Variants in PRR12 observed in about 807,000 individuals in gnomAD.
PRR12 encodes proline rich 12, also known as proline-rich protein 12.
Under a neutral mutation model 138.0 loss-of-function variants are expected in PRR12, and 12 were observed. The ratio of observed to expected loss-of-function variants is 0.09; its 90% CI spans 0.06 to 0.14. The LOEUF (loss-of-function observed/expected upper bound fraction) is 0.14, where lower values mean the gene tolerates loss of function less well. Among genes scored for constraint, PRR12 ranks in the 10% least tolerant of loss-of-function variants. PRR12 has a pLI of 1.00. For missense variants in PRR12, 2,692 were observed against 2,861.3 expected, an observed-to-expected ratio of 0.94 and a Z score of 1.35; for synonymous variants, 1,567 against 1,291.7, an observed-to-expected ratio of 1.21 and a Z score of -4.57.
chr19:49,611,332 AAAAC>A (rs917027007), intron 6 of PRR12, among the ~76,000 whole-genome samples: 16 of 151,884 alleles, frequency 1.1e-4, no homozygotes, highest in Admixed American at 3.9e-4. Context: ...GGGTCTCACA[AAAAC>A]AAAGAACAAA....
chr19:49,608,056 ATAT>A (rs746527566), intron 6 of PRR12, among the ~76,000 whole-genome samples: 5 of 152,184 alleles, frequency 3.3e-5, no homozygotes, highest in Non-Finnish European at 5.9e-5. Context: ...TGATGTTTTA[ATAT>A]TATTAAATGG....
Position 49,615,776 on chromosome 19 carries a change from C to T in PRR12, c.5054C>T (p.Ser1685Phe), listed in dbSNP as rs1276138179. 2 of 1,612,974 alleles carry T rather than the reference C, an allele frequency of 1.2e-6. No individual in the cohort carries two copies. Among genetic ancestry groups the T allele is most frequent in the Admixed American group, 1.7e-5 (1 of 59,854 alleles). ...TCTGGGCAGGCCAAGAACCCCGTAT[C>T]TGCTGGGGGTAGCTCTGCACCTCCC... ...RRSGQAKNPV[S>F]AGGSSAPPPK... Residue 1685 changes from serine (S) to phenylalanine (F), a missense_variant, in exon 9 of 14, where the codon TCT becomes TTT. Coordinates refer to ENST00000418929, the MANE Select transcript of PRR12 (RefSeq NM_020719.3).
Position 49,599,711 on chromosome 19 carries a change from A to G in PRR12, c.4118A>G (p.Asn1373Ser). The change falls in exon 5 of 14, where the codon AAC becomes AGC. Residue 1373 changes from asparagine to serine, a missense_variant. By Grantham distance (46) the Asn-to-Ser change is conservative (BLOSUM62 1). This residue lies in a region of PRR12 where 22 missense variants were observed against 59.2 expected (regional missense o/e 0.37). Coordinates refer to ENST00000418929, the MANE Select transcript of PRR12 (RefSeq NM_020719.3). This position sits in a 1 kb window ranked among gnomAD's most constrained non-coding sequence, Gnocchi z 5.0. ...CGGCTTGATGAGGAGCTGAAGCGGA[A>G]CCTCGAGACGCTGCCCTCCTTCTCC... The part of the protein sequence containing the change: ...CKRLDEELKR[N>S]LETLPSFSSD... 6.2e-7 allele frequency: 1 copy of G among 1,613,484 alleles called. No homozygotes were observed. Among genetic ancestry groups the G allele is most frequent in the Non-Finnish European group, 8.5e-7 (1 of 1,179,864 alleles).
chr19:49,619,851 CTTTTTTTTTTTTTTTT>C (rs55707507), intron 9 of PRR12, among the ~76,000 whole-genome samples: 1 of 53,936 alleles, frequency 1.9e-5, no homozygotes, highest in African/African-American at 8.8e-5. Context: ...CAATGCCTGG[CTTTTTTTTTTTTTTTT>C]TTTTTTTTTG....
chr19:49,593,482 TC>T (rs748182241), intron 2 of PRR12, 43 bp downstream of exon 2: 16 of 405,552 alleles, frequency 3.9e-5, no homozygotes, highest in African/African-American at 1.3e-4. Flanking sequence ...GCCCTCCCCC[TC>T]CCCCCGAGGC....
intron 6 of PRR12, among the ~76,000 whole-genome samples, chr19:49,605,293 G>A (rs533820690): frequency 9.9e-5 from 15 of 151,862 alleles, no homozygotes; most frequent in East Asian, 5.9e-4. Context: ...ATAGTGTTTC[G>A]CTCTTGTTGC....
chr19:49,594,755 C>T lies in PRR12; in HGVS notation c.420C>T (p.Ser140=), dbSNP rs1235114685. 1.2e-6 allele frequency: 2 copies of T among 1,613,400 alleles called. No homozygotes were observed. The highest frequency in any genetic ancestry group is 2.2e-5 in the East Asian group (1 of 44,878). The change falls in exon 4 of 14, where the codon AGC becomes AGT. Residue 140 remains serine (S), a synonymous_variant. Coordinates refer to ENST00000418929, the MANE Select transcript of PRR12 (RefSeq NM_020719.3). The surrounding 1 kb of genome is among the most constrained non-coding windows in gnomAD (Gnocchi z 5.6). ...TCTCGGGTGCCCTGCCGGGTTCCAG[C>T]ACCTTTCCGTCCTCATCTGCCCTGT... ...LFISGALPGS[S]TFPSSSALSA...
In PRR12 at chr19:49,626,331, C is replaced by G. The variant is rs1446446366; in HGVS notation, c.*724C>G. On this transcript the variant is annotated 3_prime_UTR_variant, in exon 14 of 14. Transcript: ENST00000418929. ...GTTCTCGCCCCCGCCCCACCCCCTG[C>G]TCCCACTACCCTTTGTCTCTTGCTC... 1 of 152,246 alleles carries G rather than the reference C, an allele frequency of 6.6e-6. No homozygotes were observed. Among genetic ancestry groups the G allele is most frequent in the African/African-American group, 2.4e-5 (1 of 41,426 alleles). The allele number at this position is 152,246 out of a possible 1,614,324, so 9.4% of individuals were successfully genotyped here.
At chr19:49,611,161 A>G (rs748276570) in intron 6 of PRR12, among the ~76,000 whole-genome samples, 10 of 152,054 alleles carry the variant, frequency 6.6e-5, no homozygotes, top group Non-Finnish European at 1.5e-4. Flanking sequence ...CATTGCCACA[A>G]AAAATACAAA....
Position 49,595,971 on chromosome 19 carries a change from G to T in PRR12, c.1636G>T (p.Gly546Cys). ...GHSPALSGHGGGWGPSSLGGG... is the reference protein window; with the variant it reads ...GHSPALSGHGCGWGPSSLGGG... ...TTCCCCAGCGCTCTCGGGCCATGGGGGTGGCTGGGGACCCAGCTCCCTGGG... is the reference window on the plus strand; with the variant it reads ...TTCCCCAGCGCTCTCGGGCCATGGGTGTGGCTGGGGACCCAGCTCCCTGGG... Residue 546 changes from glycine (G) to cysteine (C), a missense_variant, in exon 4 of 14, where the codon GGT (glycine) becomes TGT (cysteine). By Grantham distance (159) the Gly-to-Cys change is radical. Coordinates refer to ENST00000418929, the MANE Select transcript of PRR12 (RefSeq NM_020719.3). 1 of 1,600,590 alleles carries T rather than the reference G, an allele frequency of 6.2e-7. No individual in the cohort carries two copies. Among genetic ancestry groups the T allele is most frequent in the Non-Finnish European group, 8.5e-7 (1 of 1,179,664 alleles).
chr19:49,606,608 CTG>C (rs890991403), intron 6 of PRR12, among the ~76,000 whole-genome samples: 1 of 151,196 alleles, frequency 6.6e-6, no homozygotes, highest in African/African-American at 2.4e-5. Flanking sequence ...GCATGAGCCA[CTG>C]TGCCCAGCCC....
At chr19:49,607,880 G>C (rs8112186) in intron 6 of PRR12, among the ~76,000 whole-genome samples, 55,071 of 151,302 alleles carry the variant, frequency 0.36, 11,109 homozygotes, top group African/African-American at 0.55. Flanking sequence ...TTAGCCGGGC[G>C]TGGGGGTGGG....
intron 9 of PRR12, among the ~76,000 whole-genome samples, chr19:49,618,469 C>A (rs574264411): frequency 6.6e-6 from 1 of 151,964 alleles, no homozygotes; most frequent in Non-Finnish European, 1.5e-5. Flanking sequence ...TTCACTGAAA[C>A]CTCCACCTCC....
Position 49,597,985 on chromosome 19 carries a change from C to G in PRR12, c.3650C>G (p.Thr1217Ser), listed in dbSNP as rs1426306750. ...CGAAAGGCTGAGGAGGCAGGGGGCA[C>G]CCGGTTGGAGCCCCTGAAGCCACTT... ...RGRKAEEAGGTRLEPLKPLKI... is the reference protein window; with the variant it reads ...RGRKAEEAGGSRLEPLKPLKI... The change falls in exon 4 of 14, where the codon ACC (threonine) becomes AGC (serine). Residue 1217 changes from threonine (T) to serine (S), a missense_variant. This residue lies in a region of PRR12 where 326 missense variants were observed against 344.2 expected (regional missense o/e 0.95). Coordinates refer to ENST00000418929, the MANE Select transcript of PRR12 (RefSeq NM_020719.3). The surrounding 1 kb of genome is among the most constrained non-coding windows in gnomAD (Gnocchi z 6.3). 8 of 1,388,148 alleles carry G rather than the reference C, an allele frequency of 5.8e-6. No individual in the cohort carries two copies. Among genetic ancestry groups the G allele is most frequent in the Non-Finnish European group, 6.5e-6 (7 of 1,073,890 alleles). 86.0% of individuals were successfully genotyped at this position (1,388,148 alleles called of 1,614,324 possible). A position where few individuals can be genotyped will look rare whatever the true frequency, so the allele number is the denominator to read the frequency against.
intron 1 of PRR12, 73 bp from the exon 2 acceptor site, chr19:49,593,254 C>CG (rs1415256828): frequency 1.1e-5 from 8 of 738,012 alleles, no homozygotes; most frequent in South Asian, 1.7e-5. Flanking sequence ...CCCAACTCCC[C>CG]GGGGGGTTTT....
chr19:49,604,108 C>T (rs1006623134), intron 6 of PRR12, among the ~76,000 whole-genome samples: 3 of 152,198 alleles, frequency 2.0e-5, no homozygotes, highest in Non-Finnish European at 2.9e-5. Context: ...CATGAACCAC[C>T]GCGCCCGGCC....
Position 49,596,169 on chromosome 19 carries a change from G to C in PRR12, c.1834G>C (p.Ala612Pro). The C allele has an allele frequency of 6.2e-7, 1 of 1,609,310 alleles. No homozygotes were observed. ...PPGAGSYAAG[A>P]GGYKGKGDGS... The stretch of plus-strand genomic sequence containing the variant: ...GGGAGCTGGCAGCTATGCAGCCGGA[G>C]CAGGTGGCTACAAGGGCAAGGGGGA... The change falls in exon 4 of 14, where the codon GCA becomes CCA. Residue 612 changes from alanine to proline, a missense_variant. Ala to Pro is a conservative substitution (Grantham distance 27). This residue lies in a region of PRR12 where 66 missense variants were observed against 102.4 expected (regional missense o/e 0.64). Coordinates refer to ENST00000418929, the MANE Select transcript of PRR12 (RefSeq NM_020719.3). This position sits in a 1 kb window ranked among gnomAD's most constrained non-coding sequence, Gnocchi z 5.6.
rs1568424464 is a variant in PRR12 at position 49,599,288 on chromosome 19, C to A, written c.3695C>A (p.Pro1232His). 6.2e-7 allele frequency: 1 copy of A among 1,604,786 alleles called. No homozygotes were observed. The highest frequency in any genetic ancestry group is 8.5e-7 in the Non-Finnish European group (1 of 1,174,914). Residue 1232 changes from proline (P) to histidine (H), a missense_variant, in exon 5 of 14, where the codon CCC (proline) becomes CAC (histidine). By Grantham distance (77) the Pro-to-His change is moderately conservative (BLOSUM62 -2). Transcript: ENST00000418929. The surrounding 1 kb of genome is among the most constrained non-coding windows in gnomAD (Gnocchi z 5.0). Reference sequence around the variant, plus strand: ...CATGTCTAGATCAAGCTGTCTGTGCCCAAGGCTGGCGAGGGTCTGGGAACC... The same window carrying A: ...CATGTCTAGATCAAGCTGTCTGTGCACAAGGCTGGCGAGGGTCTGGGAACC... ...LKPLKIKLSV[P>H]KAGEGLGTSS...
At position 49,594,516 on chromosome 19, in the gene PRR12, G is replaced by A. The variant is rs760786183; in HGVS notation, c.262G>A (p.Val88Ile). 8 of 1,612,758 alleles carry A rather than the reference G, an allele frequency of 5.0e-6. No individual in the cohort carries two copies. The highest frequency in any genetic ancestry group is 1.3e-5 in the African/African-American group (1 of 74,828). ...GGGCTCAGCAGGGCCCGACGCCTCC[G>A]TCATGAACCTTATCTCGGCCCTGGA... is the stretch of plus-strand genomic sequence containing the variant. Reference protein sequence around the residue: ...HAGSAGPDASVMNLISALESR... With the variant: ...HAGSAGPDASIMNLISALESR... The change falls in exon 3 of 14, where the codon GTC becomes ATC. Residue 88 changes from valine to isoleucine, a missense_variant. Physicochemically the swap from Val to Ile is conservative, Grantham distance 29. Transcript: ENST00000418929. The surrounding 1 kb of genome is among the most constrained non-coding windows in gnomAD (Gnocchi z 5.6).
Sources: allele counts gnomAD v4.1 joint callset (sites outside exome capture counted in the v4.1 genomes callset), GRCh38; gene constraint gnomAD v4.1.1; regional missense constraint gnomAD v4.1.1; non-coding constraint Gnocchi (gnomAD v3.1); transcripts MANE v1.5; gene names NCBI Gene and HGNC (gene_info 2026-07-23, HGNC 2026-07-21).